The following HTT variants were observed in gnomAD, a reference collection of about 807,000 sequenced individuals.
HTT encodes huntington disease protein.
In HTT, 104 loss-of-function variants were observed where a neutral mutation model predicts 362.3. That is an observed-to-expected ratio of 0.29 (90% CI 0.24 to 0.34). The LOEUF (loss-of-function observed/expected upper bound fraction) is 0.34, where lower values mean the gene tolerates loss of function less well. Ranked by LOEUF, HTT falls within the 10% of genes least tolerant of loss-of-function variation. HTT has a pLI of 1.00. For synonymous variants in HTT, 1,577 were observed against 1,548.7 expected (o/e 1.02, Z -0.43); for missense variants, 3,301 against 3,928.6 (o/e 0.84, Z 4.27).
chr4:3,100,060 AG>A (rs1158076028), intron 3 of HTT, among the ~76,000 whole-genome samples: 3 of 152,222 alleles, frequency 2.0e-5, no homozygotes, highest in African/African-American at 7.2e-5. Flanking sequence ...CACGGTGCCT[AG>A]GTCAATGAAG....
chr4:3,204,464 T>C (rs534124379), intron 42 of HTT, among the ~76,000 whole-genome samples: 45 of 152,300 alleles, frequency 3.0e-4, no homozygotes, highest in South Asian at 6.2e-4. Context: ...AGCAATGGAA[T>C]AATAATAACT....
At chr4:3,217,647 A>T in intron 51 of HTT, 118 bp from the exon 52 acceptor site, 1 of 825,590 alleles carries the variant, frequency 1.2e-6, no homozygotes, top group East Asian at 2.5e-5. Context: ...TGGCCAACTC[A>T]GAGTCTAAGT....
rs1721861928 is a variant in HTT at position 3,242,715 on chromosome 4, A to C, written c.*2656A>C. 1 of 152,260 alleles carries C rather than the reference A, an allele frequency of 6.6e-6. No homozygotes were observed. The highest frequency in any genetic ancestry group is 3.4e-3 in the Middle Eastern group (1 of 294). The allele number at this position is 152,260 out of a possible 1,614,324, so 9.4% of individuals were successfully genotyped here. A position where few individuals can be genotyped will look rare whatever the true frequency, so the allele number is the denominator to read the frequency against. ...CCAAATTTTGTTGCAAATGTGATTA[A>C]TTTGGTTGTCAAGTTTTGGGGGTGG... is the stretch of plus-strand genomic sequence containing the variant. On this transcript the variant is annotated 3_prime_UTR_variant, in exon 67 of 67. Transcript: ENST00000355072.
chr4:3,144,801 C>G (rs973656194), intron 23 of HTT, among the ~76,000 whole-genome samples: 2 of 152,142 alleles, frequency 1.3e-5, no homozygotes, highest in African/African-American at 4.8e-5. Flanking sequence ...AAACAGGATT[C>G]CTGCCCTTAG....
chr4:3,118,315 C>G (rs1345487632), intron 8 of HTT, among the ~76,000 whole-genome samples: 1 of 152,124 alleles, frequency 6.6e-6, no homozygotes, highest in Non-Finnish European at 1.5e-5. Context: ...AAGAAGGCTG[C>G]TTGATCATAA....
chr4:3,081,211 T>C (rs1448424187), intron 1 of HTT, among the ~76,000 whole-genome samples: 1 of 152,228 alleles, frequency 6.6e-6, no homozygotes, highest in East Asian at 1.9e-4. Flanking sequence ...CTTCCACCTA[T>C]GAACATGGGC....
At position 3,074,914 on chromosome 4, in the gene HTT, AGC is replaced by A. The variant is rs1560534937; in HGVS notation, c.90_91del (p.Gln31AlafsTer51). On this transcript the variant is annotated frameshift_variant, in exon 1 of 67. Transcript: ENST00000355072. LOFTEE classifies it high-confidence loss of function. ...CAGCAGCAGCAGCAGCAGCAGCAGC[AGC>A]AGCAGCAGCAGCAGCAGCAACAGCC... 2.1e-4 allele frequency: 312 copies of A among 1,487,662 alleles called. No homozygotes were observed. The African/African-American group carries it at 2.1e-3, about 10-fold the overall frequency. 92.2% of individuals were successfully genotyped at this position (1,487,662 alleles called of 1,614,324 possible). A position where few individuals can be genotyped will look rare whatever the true frequency, so the allele number is the denominator to read the frequency against.
intron 41 of HTT, chr4:3,203,062 T>TTTCGGTGAGCAGTGTCTAAAG (rs1332434481): frequency 6.6e-6 from 1 of 152,192 alleles, no homozygotes; most frequent in Non-Finnish European, 1.5e-5. Context: ...GTCTGGCCCC[T>TTTCGGTGAGCAGTGTCTAAAG]TTCGGTGAGC....
chr4:3,128,685 C>T (rs1715637316), intron 12 of HTT: 1 of 152,294 alleles, frequency 6.6e-6, no homozygotes, highest in Admixed American at 6.5e-5. Context: ...ACAAAAAACC[C>T]TCATGGATAG....
chr4:3,217,980 C>A, intron 52 of HTT, 28 bp downstream of exon 52: 1 of 1,572,754 alleles, frequency 6.4e-7, no homozygotes, highest in South Asian at 1.2e-5. Flanking sequence ...TTGCAGAAGA[C>A]CAAGTACGGT....
At chr4:3,119,092 C>T (rs1715169779) in intron 8 of HTT, among the ~76,000 whole-genome samples, 1 of 152,122 alleles carries the variant, frequency 6.6e-6, no homozygotes, top group South Asian at 2.1e-4. Context: ...ATAGAGGAAG[C>T]CCTGAAATCC....
In HTT at chr4:3,187,885, A is replaced by T. The variant is rs776471892; in HGVS notation, c.5224A>T (p.Arg1742Trp). The stretch of plus-strand genomic sequence containing the variant: ...GAATTTGCCAGAAGAAACATTTTCA[A>T]GGTATGCTTTCTATCTGAGCCTATA... ...IKNLPEETFS[R>W]FLLQLVGILL... The change falls in exon 39 of 67, where the codon AGG becomes TGG. Residue 1742 changes from arginine to tryptophan, a missense_variant and splice_region_variant. This residue lies in a region of HTT where 2,316 missense variants were observed against 2,658.5 expected (regional missense o/e 0.87). Coordinates refer to ENST00000355072, the MANE Select transcript of HTT (RefSeq NM_001388492.1). The T allele has an allele frequency of 6.3e-7, 1 of 1,591,098 alleles. No homozygotes were observed. Among genetic ancestry groups the T allele is most frequent in the Non-Finnish European group, 8.6e-7 (1 of 1,160,210 alleles).
At chr4:3,091,644 C>T (rs1305559376) in intron 2 of HTT, among the ~76,000 whole-genome samples, 3 of 152,168 alleles carry the variant, frequency 2.0e-5, no homozygotes, top group African/African-American at 7.2e-5. Context: ...GCCTCCAGAA[C>T]TGTGACGAGT....
chr4:3,122,104 T>G (rs1351543935), intron 9 of HTT, among the ~76,000 whole-genome samples: 1 of 152,140 alleles, frequency 6.6e-6, no homozygotes, highest in Non-Finnish European at 1.5e-5. Flanking sequence ...TGGCCTGACT[T>G]GAGAAAATCC....
At chr4:3,148,593 C>T (rs1383950503) in intron 26 of HTT, among the ~76,000 whole-genome samples, 3 of 152,082 alleles carry the variant, frequency 2.0e-5, no homozygotes, top group Non-Finnish European at 2.9e-5. Context: ...GTCAAGAGAT[C>T]AAGACCATCC....
Position 3,216,974 on chromosome 4 carries a change from G to T in HTT, c.7055-791G>T, listed in dbSNP as rs981148256. On this transcript the variant is annotated intron_variant, in intron 51 of 66. Transcript: ENST00000355072. ...CGGGAGGCGGAGCTTGCAGTGAGCC[G>T]AGATCCCGCCACTGCACTCCAGCCT... 3.3e-5 allele frequency among the ~76,000 whole-genome samples: 5 copies of T among 150,546 alleles called. No homozygotes were observed. In the South Asian group the frequency reaches 1.1e-3, roughly 32 times the overall value.
In HTT at chr4:3,233,508, C is replaced by T. The variant is rs539021580; in HGVS notation, c.8456+155C>T. Among the ~76,000 whole-genome samples, 6 of 152,334 alleles carry T rather than the reference C, an allele frequency of 3.9e-5. No individual in the cohort carries two copies. In the South Asian group the frequency reaches 6.2e-4, roughly 16 times the overall value. ...GGTGCCATGGCTGAGGTCAGTGAGA[C>T]GCAAGAGCACAGGTGCGTCCTAGAG... is the stretch of plus-strand genomic sequence containing the variant. On this transcript the variant is annotated intron_variant, in intron 61 of 66. Coordinates refer to ENST00000355072, the MANE Select transcript of HTT (RefSeq NM_001388492.1).
chr4:3,081,288 C>G (rs1397219136), intron 1 of HTT, among the ~76,000 whole-genome samples: 1 of 152,188 alleles, frequency 6.6e-6, no homozygotes, highest in Non-Finnish European at 1.5e-5. Flanking sequence ...TCTGTCACAG[C>G]TACGCGGCTC....
At chr4:3,142,522 G>C (rs574967819) in intron 22 of HTT, among the ~76,000 whole-genome samples, 16 of 152,224 alleles carry the variant, frequency 1.1e-4, no homozygotes, top group African/African-American at 2.2e-4. Flanking sequence ...ACAGATAGTA[G>C]GCAACGCTGT....
Sources: allele counts gnomAD v4.1 joint callset (sites outside exome capture counted in the v4.1 genomes callset), GRCh38; gene constraint gnomAD v4.1.1; regional missense constraint gnomAD v4.1.1; transcripts MANE v1.5; gene names NCBI Gene and HGNC (gene_info 2026-07-23, HGNC 2026-07-21).